Variants in MYBL2 observed in about 807,000 individuals in gnomAD.
MYBL2 encodes MYB proto-oncogene like 2.
MYBL2 carries 28 observed loss-of-function variants against 79.9 expected under a neutral mutation model. The ratio of observed to expected loss-of-function variants is 0.35; its 90% CI spans 0.26 to 0.48. MYBL2 has a LOEUF of 0.48. Among genes scored for constraint, MYBL2 ranks in the 20% least tolerant of loss-of-function variants. The probability of loss-of-function intolerance (pLI) is 0.99; values close to 1 mark genes in which losing one functional copy is unlikely to be tolerated. For missense variants in MYBL2, 735 were observed against 893.9 expected (o/e 0.82, Z 2.27); for synonymous variants, 378 against 361.2 (o/e 1.05, Z -0.53).
intron 2 of MYBL2, among the ~76,000 whole-genome samples, chr20:43,674,231 A>T (rs3092244): frequency 1.0e-5 from 1 of 96,930 alleles, no homozygotes; most frequent in East Asian, 3.3e-4. Flanking sequence ...AACTCCCCCC[A>T]CCCTTTTTTT....
rs1005184780 is a variant in MYBL2, at chr20:43,702,894, G to A, written c.1356G>A (p.Ser452=). The A allele has an allele frequency of 2.3e-5, 36 of 1,589,802 alleles. 1 individual carries two copies. In the Middle Eastern group the frequency reaches 5.0e-4, roughly 22 times the overall value. ...CACCTGTTAAGACCCTGCCCTTCTC[G>A]CCCTCCCAGGTGCGTGGACCCCACT... ...KSTPVKTLPF[S]PSQFLNFWNK... The change falls in exon 8 of 14, where the codon TCG becomes TCA. Residue 452 remains serine (S), a synonymous_variant. Transcript: ENST00000217026.
intron 10 of MYBL2, among the ~76,000 whole-genome samples, chr20:43,710,863 T>G (rs1987889539): frequency 1.3e-5 from 2 of 152,190 alleles, no homozygotes; most frequent in Non-Finnish European, 2.9e-5. Context: ...TTGGCTCCTC[T>G]GTACTAAAAT....
At chr20:43,714,545 C>G (rs1365622948) in intron 12 of MYBL2, among the ~76,000 whole-genome samples, 12 of 152,160 alleles carry the variant, frequency 7.9e-5, no homozygotes, top group Admixed American at 7.9e-4. Flanking sequence ...GAATCAGGCT[C>G]TGAAACGCAC....
At chr20:43,667,487 G>A (rs1227786019) in intron 1 of MYBL2, among the ~76,000 whole-genome samples, 184 bp downstream of exon 1, 1 of 152,134 alleles carries the variant, frequency 6.6e-6, no homozygotes, top group Admixed American at 6.5e-5. Flanking sequence ...GCGTAAAGCT[G>A]GGGGGCTCTT....
rs1986735721 is a variant in MYBL2, at chr20:43,667,229, CCGCTCCGGGCTCTGCCGGCGG to C, written c.-54_-34del. The C allele has an allele frequency of 1.1e-5, 13 of 1,189,220 alleles. No homozygotes were observed. The highest frequency in any genetic ancestry group is 1.4e-5 in the Non-Finnish European group (13 of 958,852). The allele number at this position is 1,189,220 out of a possible 1,614,324, so 73.7% of individuals were successfully genotyped here. ...CCGGGTCCTGACCCCGGCCCGGCTC[CCGCTCCGGGCTCTGCCGGCGG>C]GCGGGCGAGCGCGGCGCGGTCCGGG... On this transcript the variant is annotated 5_prime_UTR_variant, in exon 1 of 14. Coordinates refer to ENST00000217026, the MANE Select transcript of MYBL2 (RefSeq NM_002466.4).
chr20:43,678,478 C>T (rs1288366083), intron 2 of MYBL2, among the ~76,000 whole-genome samples: 1 of 152,010 alleles, frequency 6.6e-6, no homozygotes, highest in Non-Finnish European at 1.5e-5. Flanking sequence ...CTGAACTGGA[C>T]AAAGATGGAA....
rs1015573360 is a variant in MYBL2, at chr20:43,709,148, C to T, written c.1506-815C>T. On this transcript the variant is annotated intron_variant, in intron 9 of 13. Transcript: ENST00000217026. ...CCTCATCACCCAGGTCCCTGGCTACCTGGGGTGTTTCTCTCATCCTCTGAG... is the reference window on the plus strand; with the variant it reads ...CCTCATCACCCAGGTCCCTGGCTACTTGGGGTGTTTCTCTCATCCTCTGAG... 5.9e-5 allele frequency among the ~76,000 whole-genome samples: 9 copies of T among 152,310 alleles called. No individual in the cohort carries two copies. The Middle Eastern group carries it at 0.01, about 173-fold the overall frequency.
Position 43,692,148 on chromosome 20 carries a change from C to A in MYBL2, c.501-9C>A. 6.2e-7 allele frequency: 1 copy of A among 1,613,238 alleles called. No individual in the cohort carries two copies. The highest frequency in any genetic ancestry group is 8.5e-7 in the Non-Finnish European group (1 of 1,179,524). ...CTGGGGTTCAAAGGCCCCCTGCTGCCCCCTGCAGGACAGACAATGCTGTGA... is the reference window on the plus strand; with the variant it reads ...CTGGGGTTCAAAGGCCCCCTGCTGCACCCTGCAGGACAGACAATGCTGTGA... On this transcript the variant is annotated splice_polypyrimidine_tract_variant and intron_variant, in intron 5 of 13. Coordinates refer to ENST00000217026, the MANE Select transcript of MYBL2 (RefSeq NM_002466.4).
At chr20:43,677,532 T>G (rs1987039127) in intron 2 of MYBL2, among the ~76,000 whole-genome samples, 1 of 151,952 alleles carries the variant, frequency 6.6e-6, no homozygotes. Context: ...GGGCTATAGG[T>G]GGAGAAAAGC....
chr20:43,673,981 A>C, intron 2 of MYBL2, 82 bp downstream of exon 2: 168 of 1,217,358 alleles, frequency 1.4e-4, no homozygotes, highest in Non-Finnish European at 1.8e-4. Context: ...TTGATGTCTC[A>C]TCAGATGGGA....
At chr20:43,704,573 C>G (rs1376997819) in intron 8 of MYBL2, among the ~76,000 whole-genome samples, 2 of 152,150 alleles carry the variant, frequency 1.3e-5, no homozygotes, top group Admixed American at 6.5e-5. Context: ...GCAGATGGCT[C>G]TCTATTATAG....
chr20:43,693,473 GGATTA>G (rs1310351293), intron 6 of MYBL2, among the ~76,000 whole-genome samples: 2 of 151,974 alleles, frequency 1.3e-5, no homozygotes, highest in Non-Finnish European at 2.9e-5. Context: ...CGAGTAGCTG[GGATTA>G]CAGGTGCACA....
chr20:43,680,560 T>C, intron 2 of MYBL2, among the ~76,000 whole-genome samples: 1 of 152,168 alleles, frequency 6.6e-6, no homozygotes, highest in East Asian at 1.9e-4. Flanking sequence ...TGCAGTGGCA[T>C]GATCTCGGCT....
intron 6 of MYBL2, among the ~76,000 whole-genome samples, chr20:43,698,877 G>T (rs1376191056): frequency 8.6e-6 from 1 of 116,922 alleles, no homozygotes; most frequent in African/African-American, 3.4e-5. Context: ...TTGTTGTGTT[G>T]CCCAGGCTGG....
At chr20:43,710,771 G>A (rs1987887301) in intron 10 of MYBL2, among the ~76,000 whole-genome samples, 1 of 152,166 alleles carries the variant, frequency 6.6e-6, no homozygotes. Flanking sequence ...CTGATTCTGA[G>A]TCAAGCAGAC....
chr20:43,682,669 A>T, intron 3 of MYBL2, 125 bp from the exon 4 acceptor site: 1 of 810,086 alleles, frequency 1.2e-6, no homozygotes. Context: ...ATGGAACAGG[A>T]CACACCTACC....
chr20:43,670,473 T>C (rs575217417), intron 1 of MYBL2, among the ~76,000 whole-genome samples: 49 of 152,290 alleles, frequency 3.2e-4, no homozygotes, highest in Non-Finnish European at 3.7e-4. Context: ...CCTAAAAAAT[T>C]TAATTAGTAT....
At chr20:43,701,282 C>A (rs1015256133) in intron 7 of MYBL2, among the ~76,000 whole-genome samples, 4 of 145,884 alleles carry the variant, frequency 2.7e-5, no homozygotes, top group Admixed American at 1.4e-4. Flanking sequence ...GTAGGATGTA[C>A]TTCTGGTCTA....
Position 43,699,873 on chromosome 20 carries a change from T to C in MYBL2, c.780T>C (p.Asp260=), listed in dbSNP as rs745588077. 26 of 1,613,982 alleles carry C rather than the reference T, an allele frequency of 1.6e-5. No individual in the cohort carries two copies. The South Asian group carries it at 2.7e-4, about 17-fold the overall frequency. ...AGGAACAGGAGCCCATCGGTACAGA[T>C]CTGGACGCAGTGCGAACACCAGAGC... ...TSKEQEPIGT[D]LDAVRTPEPL... The change falls in exon 7 of 14, where the codon GAT becomes GAC. Residue 260 remains aspartate (D), a synonymous_variant. Coordinates refer to ENST00000217026, the MANE Select transcript of MYBL2 (RefSeq NM_002466.4).
Sources: gnomAD v4.1 joint callset for allele counts (sites outside exome capture counted in the v4.1 genomes callset) on GRCh38, gnomAD v4.1.1 for gene constraint, MANE v1.5 for transcripts, NCBI Gene and HGNC (gene_info 2026-07-23, HGNC 2026-07-21) for gene names.